SLC25A21: variants seen among roughly 807,000 people sequenced by gnomAD.
SLC25A21 encodes the protein solute carrier family 25 member 21, also known as mitochondrial 2-oxodicarboxylate carrier.
A neutral mutation model predicts 43.8 loss-of-function variants in SLC25A21; 47 were observed. The observed-to-expected ratio is 1.07, with a 90% confidence interval of 0.85 to 1.37. The LOEUF is 1.37. Ranked by LOEUF, SLC25A21 falls within the 40% of genes most tolerant of loss-of-function variation. The pLI, the probability that SLC25A21 is intolerant of heterozygous loss-of-function variation, is 0.00. For missense variants in SLC25A21, 352 were observed against 350.2 expected (o/e 1.00, Z -0.04); for synonymous variants, 131 against 121.3 (o/e 1.08, Z -0.52).
At chr14:36,911,030 C>T (rs1372775706) in intron 1 of SLC25A21, among the ~76,000 whole-genome samples, 1 of 152,142 alleles carries the variant, frequency 6.6e-6, no homozygotes, top group Non-Finnish European at 1.5e-5. Context: ...TCACAAGCAT[C>T]ATCATACCAC....
chr14:37,006,454 AC>A (rs1305559432), intron 1 of SLC25A21, among the ~76,000 whole-genome samples: 4 of 152,146 alleles, frequency 2.6e-5, no homozygotes, highest in African/African-American at 9.6e-5. Flanking sequence ...TATTTATCAA[AC>A]AACTTGCTAA....
chr14:37,149,127 A>G (rs1310583852), intron 1 of SLC25A21, among the ~76,000 whole-genome samples: 1 of 151,224 alleles, frequency 6.6e-6, no homozygotes, highest in East Asian at 1.9e-4. Context: ...TCACATAGAC[A>G]TCATTATCAC....
At chr14:36,952,374 C>A (rs1056447139) in intron 1 of SLC25A21, 1 of 152,374 alleles carries the variant, frequency 6.6e-6, no homozygotes, top group South Asian at 2.1e-4. Flanking sequence ...CTATTTCCTG[C>A]TTAAATATCT....
chr14:36,912,329 G>A (rs1388994323), intron 1 of SLC25A21, among the ~76,000 whole-genome samples: 2 of 152,130 alleles, frequency 1.3e-5, no homozygotes, highest in Non-Finnish European at 2.9e-5. Flanking sequence ...GATGTACCAG[G>A]AACTGTGACT....
chr14:37,070,525 A>G (rs1962149560), intron 1 of SLC25A21, among the ~76,000 whole-genome samples: 1 of 152,160 alleles, frequency 6.6e-6, no homozygotes, highest in Admixed American at 6.5e-5. Context: ...TTCCTTTGTC[A>G]ATAGCCCCCC....
intron 1 of SLC25A21, among the ~76,000 whole-genome samples, chr14:36,984,356 T>C (rs1430797335): frequency 1.3e-5 from 2 of 152,150 alleles, no homozygotes; most frequent in African/African-American, 4.8e-5. Context: ...TGAAATAGTT[T>C]GCCCCCAAAA....
At chr14:37,031,729 G>A (rs968208678) in intron 1 of SLC25A21, among the ~76,000 whole-genome samples, 3 of 152,094 alleles carry the variant, frequency 2.0e-5, no homozygotes, top group Non-Finnish European at 4.4e-5. Context: ...TAGGATTCTT[G>A]AATTGGAAAG....
intron 1 of SLC25A21, among the ~76,000 whole-genome samples, chr14:36,916,333 T>C (rs1034925710): frequency 6.6e-6 from 1 of 152,190 alleles, no homozygotes; most frequent in Non-Finnish European, 1.5e-5. Flanking sequence ...TCCTTTGTCT[T>C]CTCAAAACTA....
intron 2 of SLC25A21, among the ~76,000 whole-genome samples, chr14:36,867,930 A>G (rs1023094334): frequency 8.6e-5 from 13 of 152,016 alleles, no homozygotes; most frequent in African/African-American, 3.1e-4. Flanking sequence ...ATAGGTAATG[A>G]GTGGAGGAGT....
rs557646209 is a variant in SLC25A21 at position 37,106,518 on chromosome 14, G to A, written c.70+65763C>T. Among the ~76,000 whole-genome samples, 5 of 152,090 alleles carry A rather than the reference G, an allele frequency of 3.3e-5. No individual in the cohort carries two copies. The South Asian group carries it at 6.2e-4, about 19-fold the overall frequency. ...ACCCTGGTAAATTTAAGGTCAGACC[G>A]GTTCTCTGACCTTAAAAAACAACCC... On this transcript the variant is annotated intron_variant, in intron 1 of 9. Coordinates refer to ENST00000331299, the MANE Select transcript of SLC25A21 (RefSeq NM_030631.4).
intron 3 of SLC25A21, among the ~76,000 whole-genome samples, chr14:36,753,526 G>A (rs1415401860): frequency 6.6e-6 from 1 of 151,494 alleles, no homozygotes; most frequent in Non-Finnish European, 1.5e-5. Context: ...CATGTAAAGG[G>A]CATAGAGAAG....
intron 1 of SLC25A21, among the ~76,000 whole-genome samples, chr14:37,129,907 T>C (rs1963363540): frequency 6.6e-6 from 1 of 152,036 alleles, no homozygotes; most frequent in Admixed American, 6.6e-5. Flanking sequence ...CCAAATTCAT[T>C]TGAGAATTAT....
intron 1 of SLC25A21, among the ~76,000 whole-genome samples, chr14:36,931,958 G>T (rs777841139): frequency 6.6e-6 from 1 of 152,114 alleles, no homozygotes; most frequent in Non-Finnish European, 1.5e-5. Flanking sequence ...GTGCTTACAA[G>T]AGATGATTAC....
chr14:36,755,134 TA>T (rs1454367331), intron 3 of SLC25A21, among the ~76,000 whole-genome samples: 1 of 152,208 alleles, frequency 6.6e-6, no homozygotes, highest in Admixed American at 6.5e-5. Flanking sequence ...AACCATAGTC[TA>T]AAACCACACT....
intron 3 of SLC25A21, chr14:36,759,865 G>C (rs1276687516): frequency 6.6e-6 from 1 of 152,336 alleles, no homozygotes; most frequent in Non-Finnish European, 1.5e-5. Context: ...CGACTCAGGA[G>C]GCTGAGGCAG....
At position 36,766,956 on chromosome 14, in the gene SLC25A21, C is replaced by T. The variant is rs78768352; in HGVS notation, c.204-32383G>A. Among the ~76,000 whole-genome samples the T allele has an allele frequency of 5.7e-4, 87 of 152,300 alleles. 3 individuals are homozygous for T. The East Asian group carries it at 0.016, about 29-fold the overall frequency. ...CCTCTACTGCGGTCAATATCTCCAA[C>T]GTGCCTAATATTGTGTGATATAATA... is the stretch of plus-strand genomic sequence containing the variant. On this transcript the variant is annotated intron_variant, in intron 3 of 9. Transcript: ENST00000331299.
At chr14:37,027,465 T>A (rs1157631162) in intron 1 of SLC25A21, among the ~76,000 whole-genome samples, 3 of 152,096 alleles carry the variant, frequency 2.0e-5, no homozygotes, top group African/African-American at 7.2e-5. Context: ...GCTTTGAGGT[T>A]TTTGTTTTTG....
At chr14:37,029,758 CTT>C (rs57538608) in intron 1 of SLC25A21, among the ~76,000 whole-genome samples, 6,486 of 105,988 alleles carry the variant, frequency 0.061, 237 homozygotes, top group East Asian at 0.21. Context: ...TAATAGCCGA[CTT>C]TTTTTTTTTT....
intron 1 of SLC25A21, among the ~76,000 whole-genome samples, chr14:36,956,392 TGTAAA>T (rs200346366): frequency 0.015 from 2,267 of 152,218 alleles, 24 homozygotes; most frequent in South Asian, 0.032. Context: ...GTAGAAATGG[TGTAAA>T]GTATAGAGTT....
Sources: gnomAD v4.1 joint callset for allele counts (sites outside exome capture counted in the v4.1 genomes callset) on GRCh38, gnomAD v4.1.1 for gene constraint, MANE v1.5 for transcripts, NCBI Gene and HGNC (gene_info 2026-07-23, HGNC 2026-07-21) for gene names.